SMPD3: variants seen among roughly 807,000 people sequenced by gnomAD.
SMPD3 encodes nSMase-2.
Under a neutral mutation model 55.7 loss-of-function variants are expected in SMPD3, and 21 were observed. That is an observed-to-expected ratio of 0.38 (90% CI 0.27 to 0.54). SMPD3 has a LOEUF of 0.54. SMPD3 is among the 20% of genes least tolerant of loss of function. SMPD3 has a pLI of 0.80. For synonymous variants in SMPD3, 457 were observed against 404.3 expected, an observed-to-expected ratio of 1.13 and a Z score of -1.56; for missense variants, 842 against 899.6, an observed-to-expected ratio of 0.94 and a Z score of 0.82.
intron 3 of SMPD3, 34 bp from the exon 4 acceptor site, chr16:68,365,126 C>T (rs1219662689): frequency 6.2e-7 from 1 of 1,609,388 alleles, no homozygotes; most frequent in Non-Finnish European, 8.5e-7. Flanking sequence ...TGCCACCTGC[C>T]AGTCACTGTG....
At chr16:68,399,308 G>A (rs1230210445) in intron 1 of SMPD3, among the ~76,000 whole-genome samples, 1 of 152,204 alleles carries the variant, frequency 6.6e-6, no homozygotes, top group Admixed American at 6.5e-5. Context: ...TGGGTTCAAG[G>A]TGAAGGTCAG....
At chr16:68,381,264 C>T (rs1242646937) in intron 2 of SMPD3, among the ~76,000 whole-genome samples, 2 of 152,174 alleles carry the variant, frequency 1.3e-5, no homozygotes, top group African/African-American at 4.8e-5. Flanking sequence ...AAGACCATCC[C>T]TCTGCACACG....
rs2089424346 is a variant in SMPD3 at position 68,364,765 on chromosome 16, T to C, written c.1541A>G (p.Asp514Gly). Reference sequence around the variant, plus strand: ...CCCGGCCTCACCAGAGGAGCAGTTATCAAAGTTGAAATCTCCACAGACGAC... The same window carrying C: ...CCCGGCCTCACCAGAGGAGCAGTTACCAAAGTTGAAATCTCCACAGACGAC... The part of the protein sequence containing the change: ...FDVVCGDFNF[D>G]NCSSDDKLEQ... Residue 514 changes from aspartate to glycine, a missense_variant, in exon 5 of 9, where the codon GAT (aspartate) becomes GGT (glycine). By Grantham distance (94) the Asp-to-Gly change is moderately conservative. Around this residue, in one of 2 missense-constraint regions of SMPD3, gnomAD observed 649 missense variants for 643.6 expected, o/e 1.01. Coordinates refer to ENST00000219334, the MANE Select transcript of SMPD3 (RefSeq NM_018667.4). The C allele has an allele frequency of 2.5e-6, 4 of 1,613,460 alleles. No homozygotes were observed. Among genetic ancestry groups the C allele is most frequent in the Non-Finnish European group, 2.5e-6 (3 of 1,179,850 alleles).
At chr16:68,383,935 G>A (rs1242151123) in intron 2 of SMPD3, among the ~76,000 whole-genome samples, 2 of 151,942 alleles carry the variant, frequency 1.3e-5, no homozygotes, top group African/African-American at 2.4e-5. Context: ...TTCAGGCCTC[G>A]CCCTCTCCAA....
At chr16:68,436,500 T>G (rs1181937122) in intron 1 of SMPD3, among the ~76,000 whole-genome samples, 1 of 152,188 alleles carries the variant, frequency 6.6e-6, no homozygotes, top group Admixed American at 6.5e-5. Context: ...CTTCTAGGAC[T>G]TGAGTACCAA....
chr16:68,373,634 C>T (rs1467056608), intron 2 of SMPD3, among the ~76,000 whole-genome samples: 2 of 152,156 alleles, frequency 1.3e-5, no homozygotes, highest in Non-Finnish European at 2.9e-5. Flanking sequence ...TTCCTCAGTC[C>T]CCATCAGTCC....
At chr16:68,397,422 G>A (rs945521124) in intron 1 of SMPD3, among the ~76,000 whole-genome samples, 4 of 152,214 alleles carry the variant, frequency 2.6e-5, no homozygotes, top group African/African-American at 9.7e-5. Flanking sequence ...ACCAGGTAGA[G>A]TTCTGCTGTG....
At chr16:68,381,558 A>G (rs1384166209) in intron 2 of SMPD3, among the ~76,000 whole-genome samples, 4 of 152,144 alleles carry the variant, frequency 2.6e-5, no homozygotes, top group Non-Finnish European at 4.4e-5. Context: ...GTTCTGACCA[A>G]TGAGCTGTGA....
chr16:68,416,698 T>C (rs984444538), intron 1 of SMPD3, among the ~76,000 whole-genome samples: 14 of 152,198 alleles, frequency 9.2e-5, no homozygotes, highest in Admixed American at 2.6e-4. Context: ...AGGTGTGCCT[T>C]AGGTGAGTGT....
chr16:68,364,983 G>A, intron 4 of SMPD3, 34 bp downstream of exon 4: 1 of 1,614,020 alleles, frequency 6.2e-7, no homozygotes, highest in Non-Finnish European at 8.5e-7. Flanking sequence ...CTGATCCCAT[G>A]CCTAGAAAAA....
chr16:68,435,317 A>G (rs1047159465), intron 1 of SMPD3, among the ~76,000 whole-genome samples: 1 of 152,142 alleles, frequency 6.6e-6, no homozygotes, highest in Admixed American at 6.5e-5. Flanking sequence ...CTGTTTTAAA[A>G]AATCCTTTTA....
Position 68,402,876 on chromosome 16 carries a change from TAGG to T in SMPD3, c.-268-16220_-268-16218del, listed in dbSNP as rs1343987208. On this transcript the variant is annotated intron_variant, in intron 1 of 8. Coordinates refer to ENST00000219334, the MANE Select transcript of SMPD3 (RefSeq NM_018667.4). The stretch of plus-strand genomic sequence containing the variant: ...CCTGGAAAACCAGTGTATGCTGAAT[TAGG>T]AGACTTCCAGGAAGACGCTGAGAAG... Among the ~76,000 whole-genome samples the T allele has an allele frequency of 1.2e-4, 18 of 152,336 alleles. No individual in the cohort carries two copies. In the East Asian group the frequency reaches 2.5e-3, roughly 21 times the overall value.
At chr16:68,409,020 A>C (rs1397335301) in intron 1 of SMPD3, among the ~76,000 whole-genome samples, 1 of 152,142 alleles carries the variant, frequency 6.6e-6, no homozygotes, top group Non-Finnish European at 1.5e-5. Flanking sequence ...AGGTCTCACA[A>C]GGGCCCTGCA....
At position 68,438,830 on chromosome 16, in the gene SMPD3, T is replaced by C. The variant is rs548594556; in HGVS notation, c.-269+9523A>G. Among the ~76,000 whole-genome samples, 7 of 152,262 alleles carry C rather than the reference T, an allele frequency of 4.6e-5. No homozygotes were observed. In the East Asian group the frequency reaches 9.6e-4, roughly 21 times the overall value. On this transcript the variant is annotated intron_variant, in intron 1 of 8. Coordinates refer to ENST00000219334, the MANE Select transcript of SMPD3 (RefSeq NM_018667.4). ...ATAATAGTTACTGGGTTCTTGCTGA[T>C]CTTGAACCAGAGAAGCAGTGATCTC...
intron 3 of SMPD3, among the ~76,000 whole-genome samples, chr16:68,367,123 GC>G (rs2151977522): frequency 6.6e-6 from 1 of 152,170 alleles, no homozygotes; most frequent in Admixed American, 6.5e-5. Flanking sequence ...AGCCAAGATC[GC>G]CCCATTGCAC....
intron 1 of SMPD3, among the ~76,000 whole-genome samples, chr16:68,392,557 C>T (rs1159170211): frequency 6.6e-6 from 1 of 152,088 alleles, no homozygotes; most frequent in Non-Finnish European, 1.5e-5. Flanking sequence ...ATAACATTAG[C>T]GTTCTTATAA....
intron 2 of SMPD3, 25 bp downstream of exon 2, chr16:68,386,573 C>T (rs939880223): frequency 4.0e-5 from 6 of 151,734 alleles, no homozygotes; most frequent in Admixed American, 1.3e-4. Flanking sequence ...CCCCACCCCT[C>T]TGGTTCCAGA....
intron 1 of SMPD3, among the ~76,000 whole-genome samples, chr16:68,441,900 G>T (rs924131799): frequency 9.9e-5 from 15 of 152,074 alleles, no homozygotes; most frequent in Admixed American, 9.2e-4. Flanking sequence ...CAAGTAGTTG[G>T]GACTACAGGC....
At chr16:68,363,611 C>T in intron 6 of SMPD3, 52 bp from the exon 7 acceptor site, 1 of 1,565,870 alleles carries the variant, frequency 6.4e-7, no homozygotes, top group African/African-American at 1.3e-5. Context: ...GCCCAGGCAG[C>T]CTCTAGGGGG....
Sources: gnomAD v4.1 joint callset for allele counts (sites outside exome capture counted in the v4.1 genomes callset) on GRCh38, gnomAD v4.1.1 for gene constraint, gnomAD v4.1.1 regional missense constraint, MANE v1.5 for transcripts, NCBI Gene and HGNC (gene_info 2026-07-23, HGNC 2026-07-21) for gene names.